The following SCHIP1 variants were observed in gnomAD, a reference collection of about 807,000 sequenced individuals.
The protein encoded by SCHIP1 is schwannomin-interacting protein 1.
In SCHIP1, 8 loss-of-function variants were observed where a neutral mutation model predicts 29.7. The ratio of observed to expected loss-of-function variants is 0.27; its 90% CI spans 0.16 to 0.49. The LOEUF is 0.49. Among genes scored for constraint, SCHIP1 ranks in the 20% least tolerant of loss-of-function variants. SCHIP1 has a pLI of 0.99. For synonymous variants in SCHIP1, 76 were observed against 94.9 expected (o/e 0.80, Z 1.16); for missense variants, 193 against 294.6 (o/e 0.66, Z 2.52).
chr3:159,732,938 T>C, the SCHIP1 span, among the ~76,000 whole-genome samples: 1 of 152,192 alleles, frequency 6.6e-6, no homozygotes, highest in Non-Finnish European at 1.5e-5. Flanking sequence ...CAGCCTGGCT[T>C]GTTAGCCATT....
chr3:159,410,125 C>A, the SCHIP1 span, among the ~76,000 whole-genome samples: 1 of 152,064 alleles, frequency 6.6e-6, no homozygotes, highest in East Asian at 1.9e-4. Flanking sequence ...ACAATCAAAT[C>A]AAAATTGACT....
chr3:159,693,770 C>A, the SCHIP1 span, among the ~76,000 whole-genome samples: 3 of 152,138 alleles, frequency 2.0e-5, no homozygotes, highest in Non-Finnish European at 2.9e-5. Context: ...AAAAATTCAC[C>A]TAGAGCTGAA....
intron 1 of SCHIP1, chr3:159,853,093 G>A: frequency 3.2e-6 from 1 of 307,870 alleles, no homozygotes; most frequent in South Asian, 1.0e-4. Flanking sequence ...AGGGGAAGGT[G>A]ACAGCAGATG....
the SCHIP1 span, among the ~76,000 whole-genome samples, chr3:159,723,067 G>T: frequency 6.6e-6 from 1 of 152,096 alleles, no homozygotes; most frequent in African/African-American, 2.4e-5. Flanking sequence ...TAGGTGTTTT[G>T]CAGCCTGTTT....
chr3:159,589,508 G>A, the SCHIP1 span, among the ~76,000 whole-genome samples: 2 of 152,062 alleles, frequency 1.3e-5, no homozygotes, highest in East Asian at 1.9e-4. Flanking sequence ...GTTGAATAGG[G>A]GTGGTGAGAG....
At chr3:159,645,380 G>A in the SCHIP1 span, among the ~76,000 whole-genome samples, 1 of 152,102 alleles carries the variant, frequency 6.6e-6, no homozygotes, top group Non-Finnish European at 1.5e-5. Context: ...ATCGACTCCT[G>A]CAAGAACAGT....
At chr3:159,843,946 G>T (rs954170186) in intron 1 of SCHIP1, among the ~76,000 whole-genome samples, 6 of 150,600 alleles carry the variant, frequency 4.0e-5, no homozygotes, top group African/African-American at 1.5e-4. Flanking sequence ...TTTTCATTGT[G>T]TGTGAGCTGG....
the SCHIP1 span, among the ~76,000 whole-genome samples, chr3:159,586,369 T>C: frequency 3.9e-5 from 6 of 152,286 alleles, 1 homozygote; most frequent in African/African-American, 1.4e-4. Flanking sequence ...TATTTTCATA[T>C]GCAGTCAGGA....
chr3:159,447,208 G>C, the SCHIP1 span, among the ~76,000 whole-genome samples: 3 of 152,124 alleles, frequency 2.0e-5, no homozygotes, highest in African/African-American at 7.2e-5. Flanking sequence ...TGGTAAAATG[G>C]AGGTAAAAAG....
At chr3:159,465,820 G>A in the SCHIP1 span, among the ~76,000 whole-genome samples, 1 of 152,102 alleles carries the variant, frequency 6.6e-6, no homozygotes, top group Non-Finnish European at 1.5e-5. Context: ...CTCAGCCTGA[G>A]TCCTTATTGT....
In SCHIP1 at chr3:159,843,001, C is replaced by CTTTTTTTTTTTTTTTTTTTT. The variant is rs566940351; in HGVS notation, c.30+2796_30+2815dup. 1.3e-3 allele frequency among the ~76,000 whole-genome samples: 81 copies of CTTTTTTTTTTTTTTTTTTTT among 63,722 alleles called. 12 individuals carry two copies. Among genetic ancestry groups the CTTTTTTTTTTTTTTTTTTTT allele is most frequent in the Non-Finnish European group, 1.6e-3 (49 of 30,164 alleles). The allele number at this position is 63,722 out of a possible 152,430, so 41.8% of individuals were successfully genotyped here. A position where few individuals can be genotyped will look rare whatever the true frequency, so the allele number is the denominator to read the frequency against. On this transcript the variant is annotated intron_variant, in intron 1 of 6. Coordinates refer to ENST00000445224, the Ensembl canonical transcript of SCHIP1. ...TCCAGTTCTATCCCAATATTTCTTTCTTTTTTTTTTTTTTTTTTTTTTTTT... is the reference window on the plus strand; with the variant it reads ...TCCAGTTCTATCCCAATATTTCTTTCTTTTTTTTTTTTTTTTTTTTTTTTTTTTTTTTTTTTTTTTTTTTT...
chr3:159,874,625 A>G (rs954396640), intron 2 of SCHIP1, among the ~76,000 whole-genome samples: 2 of 152,176 alleles, frequency 1.3e-5, no homozygotes, highest in African/African-American at 2.4e-5. Context: ...TGTATATACA[A>G]TGTGCCACGA....
chr3:159,513,332 T>G, the SCHIP1 span, among the ~76,000 whole-genome samples: 22 of 152,224 alleles, frequency 1.4e-4, no homozygotes, highest in Admixed American at 1.2e-3. Flanking sequence ...TACCTTTCTA[T>G]ATGCCTCAAA....
the SCHIP1 span, among the ~76,000 whole-genome samples, chr3:159,566,840 G>A: frequency 1.3e-5 from 2 of 152,198 alleles, no homozygotes; most frequent in African/African-American, 4.8e-5. Context: ...GTTTCTTCAG[G>A]ATGTGTACCC....
At chr3:159,441,522 G>T in the SCHIP1 span, among the ~76,000 whole-genome samples, 6 of 152,068 alleles carry the variant, frequency 3.9e-5, no homozygotes, top group Admixed American at 2.0e-4. Flanking sequence ...GAAGTAGAGA[G>T]CTGGGATTTG....
At chr3:159,461,339 A>G in the SCHIP1 span, among the ~76,000 whole-genome samples, 1 of 151,570 alleles carries the variant, frequency 6.6e-6, no homozygotes, top group Admixed American at 6.6e-5. Flanking sequence ...CCCCAACATT[A>G]CCTCTTCCAC....
the SCHIP1 span, among the ~76,000 whole-genome samples, chr3:159,342,853 A>T: frequency 3.3e-5 from 5 of 152,184 alleles, no homozygotes; most frequent in African/African-American, 4.8e-5. Flanking sequence ...ATAGAATAAA[A>T]TTTTTCTTTT....
At chr3:159,274,282 G>C in the SCHIP1 span, 1 of 985,062 alleles carries the variant, frequency 1.0e-6, no homozygotes, top group Non-Finnish European at 1.2e-6. Context: ...GTACAGTTTG[G>C]GAAGATCAGT....
At chr3:159,444,795 A>G in the SCHIP1 span, among the ~76,000 whole-genome samples, 1 of 152,240 alleles carries the variant, frequency 6.6e-6, no homozygotes, top group Non-Finnish European at 1.5e-5. Context: ...TCAGAAATGA[A>G]GAGGGTGGAC....
Sources: allele counts gnomAD v4.1 joint callset (sites outside exome capture counted in the v4.1 genomes callset), GRCh38; gene constraint gnomAD v4.1.1; transcripts MANE v1.5; gene names NCBI Gene and HGNC (gene_info 2026-07-23, HGNC 2026-07-21).